The following FGF14 variants were observed in gnomAD, a reference collection of about 807,000 sequenced individuals.
FGF14 encodes fibroblast growth factor homologous factor 4.
Under a neutral mutation model 25.5 loss-of-function variants are expected in FGF14, and 5 were observed. The observed-to-expected ratio is 0.20, with a 90% CI of 0.10 to 0.41. The LOEUF (loss-of-function observed/expected upper bound fraction) is 0.41. Among genes scored for constraint, FGF14 ranks in the 10% least tolerant of loss-of-function variants. The pLI is 1.00. For synonymous variants in FGF14, 138 were observed against 118.3 expected, an observed-to-expected ratio of 1.17 and a Z score of -1.08; for missense variants, 222 against 320.1, an observed-to-expected ratio of 0.69 and a Z score of 2.34.
rs1329645711 is a variant in FGF14 at position 102,161,663 on chromosome 13, A to G, written c.208+239808T>C. Among the ~76,000 whole-genome samples the G allele has an allele frequency of 1.6e-3, 46 of 28,100 alleles. 1 individual carries two copies. The highest frequency in any genetic ancestry group is 2.3e-3 in the East Asian group (1 of 436). The allele number at this position is 28,100 out of a possible 152,430, so 18.4% of individuals were successfully genotyped here. On this transcript the variant is annotated intron_variant, in intron 1 of 4. Transcript: ENST00000376131. Reference sequence around the variant, plus strand: ...AAGAAGAAGAAGAAGAAGAAGAAGAAGAAGAAGAAGAAGAAGAAGAAGAAG... The same window carrying G: ...AAGAAGAAGAAGAAGAAGAAGAAGAGGAAGAAGAAGAAGAAGAAGAAGAAG...
At chr13:102,348,191 T>C (rs904710234) in intron 1 of FGF14, among the ~76,000 whole-genome samples, 15 of 152,240 alleles carry the variant, frequency 9.9e-5, no homozygotes, top group African/African-American at 3.4e-4. Context: ...GATCTAAAAG[T>C]CAGATATTCC....
chr13:102,197,540 C>T (rs2049417760), intron 1 of FGF14, among the ~76,000 whole-genome samples: 1 of 151,286 alleles, frequency 6.6e-6, no homozygotes, highest in Non-Finnish European at 1.5e-5. Context: ...TTTTAGATGC[C>T]CCTATCATAT....
At chr13:101,876,898 A>G (rs2045427845) in intron 1 of FGF14, among the ~76,000 whole-genome samples, 1 of 152,178 alleles carries the variant, frequency 6.6e-6, no homozygotes, top group East Asian at 1.9e-4. Flanking sequence ...TATTTTATTT[A>G]TGCTCTTCAC....
intron 1 of FGF14, among the ~76,000 whole-genome samples, chr13:102,157,791 C>G (rs957811806): frequency 1.3e-5 from 2 of 152,142 alleles, no homozygotes; most frequent in African/African-American, 4.8e-5. Flanking sequence ...GGGCTAATAT[C>G]CAGAATCTAC....
At chr13:101,752,130 T>G (rs940408497) in intron 3 of FGF14, among the ~76,000 whole-genome samples, 4 of 152,192 alleles carry the variant, frequency 2.6e-5, no homozygotes, top group Non-Finnish European at 5.9e-5. Context: ...ATTTCACTTT[T>G]AATTATCACC....
Position 101,722,076 on chromosome 13 carries a change from G to A in FGF14, c.*755C>T, listed in dbSNP as rs1388093991. On this transcript the variant is annotated 3_prime_UTR_variant, in exon 5 of 5. Coordinates refer to ENST00000376143, the MANE Select transcript of FGF14 (RefSeq NM_004115.4). ...GGGGATGTCAAACACATATCATAGAGAGCTTCCCTGGATTGTGTTTGAGCC... is the reference window on the plus strand; with the variant it reads ...GGGGATGTCAAACACATATCATAGAAAGCTTCCCTGGATTGTGTTTGAGCC... 6.6e-6 allele frequency: 1 copy of A among 152,614 alleles called. No homozygotes were observed. The highest frequency in any genetic ancestry group is 1.5e-5 in the Non-Finnish European group (1 of 68,514). 9.5% of individuals were successfully genotyped at this position (152,614 alleles called of 1,614,324 possible). A position where few individuals can be genotyped will look rare whatever the true frequency, so the allele number is the denominator to read the frequency against.
intron 3 of FGF14, among the ~76,000 whole-genome samples, chr13:101,803,304 A>C (rs2041003331): frequency 6.6e-6 from 1 of 151,840 alleles, no homozygotes; most frequent in Non-Finnish European, 1.5e-5. Context: ...AATTAAAAAA[A>C]AAATTATGGA....
At chr13:101,812,855 TG>T (rs1434200485) in intron 3 of FGF14, among the ~76,000 whole-genome samples, 2 of 151,130 alleles carry the variant, frequency 1.3e-5, no homozygotes, top group Non-Finnish European at 3.0e-5. Flanking sequence ...TTGGTAGAGA[TG>T]GGGTTTCACC....
At chr13:102,321,578 C>T (rs185832869) in intron 1 of FGF14, among the ~76,000 whole-genome samples, 2 of 152,010 alleles carry the variant, frequency 1.3e-5, no homozygotes, top group African/African-American at 2.4e-5. Context: ...GTTTAAAGTA[C>T]GTTTGTGTGC....
At chr13:101,767,570 A>G (rs1414886218) in intron 3 of FGF14, among the ~76,000 whole-genome samples, 1 of 152,186 alleles carries the variant, frequency 6.6e-6, no homozygotes, top group African/African-American at 2.4e-5. Flanking sequence ...AACCCATGCA[A>G]TATTTTACCC....
intron 1 of FGF14, among the ~76,000 whole-genome samples, chr13:102,386,169 G>C (rs570309715): frequency 2.2e-5 from 3 of 135,420 alleles, no homozygotes; most frequent in African/African-American, 2.8e-5. Flanking sequence ...GAGTCTTGCT[G>C]TCTCCCAGGC....
chr13:102,213,833 C>T (rs2050258885), intron 1 of FGF14, among the ~76,000 whole-genome samples: 1 of 152,150 alleles, frequency 6.6e-6, no homozygotes, highest in South Asian at 2.1e-4. Flanking sequence ...TTAGATGGCA[C>T]TAATGAAAAA....
At chr13:102,290,571 C>T (rs955457509) in intron 1 of FGF14, among the ~76,000 whole-genome samples, 4 of 152,184 alleles carry the variant, frequency 2.6e-5, no homozygotes, top group African/African-American at 9.7e-5. Context: ...CTTTGGCTCT[C>T]TGGACCCGAT....
chr13:102,224,761 A>G (rs904311604), intron 1 of FGF14, among the ~76,000 whole-genome samples: 1 of 152,116 alleles, frequency 6.6e-6, no homozygotes, highest in Non-Finnish European at 1.5e-5. Flanking sequence ...TAATTACTCA[A>G]ACATTAGCTT....
intron 1 of FGF14, among the ~76,000 whole-genome samples, chr13:102,216,647 G>A (rs1156393862): frequency 2.0e-5 from 3 of 152,006 alleles, no homozygotes; most frequent in East Asian, 1.9e-4. Context: ...AACACTTATT[G>A]TTTGTGATCA....
chr13:102,370,470 A>G (rs2057845681), intron 1 of FGF14, among the ~76,000 whole-genome samples: 1 of 151,732 alleles, frequency 6.6e-6, no homozygotes, highest in Non-Finnish European at 1.5e-5. Flanking sequence ...GGGTCTCACT[A>G]TGTTGCCAGG....
At chr13:102,196,441 C>T (rs2049354958) in intron 1 of FGF14, among the ~76,000 whole-genome samples, 1 of 152,150 alleles carries the variant, frequency 6.6e-6, no homozygotes, top group Non-Finnish European at 1.5e-5. Context: ...CCTGCTGCAG[C>T]AATGTTATCC....
At chr13:102,397,239 G>A (rs1012502644) in intron 1 of FGF14, among the ~76,000 whole-genome samples, 6 of 152,042 alleles carry the variant, frequency 3.9e-5, no homozygotes, top group Non-Finnish European at 5.9e-5. Flanking sequence ...TTAAAAAAAC[G>A]TATATTTAAA....
At chr13:102,247,360 ATAAAGAACT>A (rs1404493892) in intron 1 of FGF14, among the ~76,000 whole-genome samples, 1 of 152,166 alleles carries the variant, frequency 6.6e-6, no homozygotes, top group Non-Finnish European at 1.5e-5. Context: ...TCCAGCATCT[ATAAAGAACT>A]TAAAGAAATT....
Sources: allele counts gnomAD v4.1 joint callset (sites outside exome capture counted in the v4.1 genomes callset), GRCh38; gene constraint gnomAD v4.1.1; transcripts MANE v1.5; gene names NCBI Gene and HGNC (gene_info 2026-07-23, HGNC 2026-07-21).